Variants in BRD10 observed in about 807,000 individuals in gnomAD.
BRD10 encodes uncharacterized bromodomain-containing protein 10.
the BRD10 span, among the ~76,000 whole-genome samples, chr9:5,996,057 T>C: frequency 2.0e-5 from 3 of 152,138 alleles, no homozygotes; most frequent in Non-Finnish European, 2.9e-5. Flanking sequence ...ACTGGAAAAG[T>C]TCTATGGACA....
the BRD10 span, among the ~76,000 whole-genome samples, chr9:5,994,596 C>A: frequency 1.3e-5 from 2 of 152,160 alleles, no homozygotes. Flanking sequence ...CATAATTCAA[C>A]TTCTTTTAGC....
At chr9:5,989,540 ATT>A in the BRD10 span, among the ~76,000 whole-genome samples, 34 of 137,904 alleles carry the variant, frequency 2.5e-4, no homozygotes, top group African/African-American at 4.3e-4. Context: ...TAAAATGTAA[ATT>A]TTTTTTTTTT....
the BRD10 span, among the ~76,000 whole-genome samples, chr9:5,998,711 T>C: frequency 5.3e-5 from 8 of 152,212 alleles, no homozygotes; most frequent in Admixed American, 4.6e-4. Flanking sequence ...TCAGTTATCC[T>C]ATAATTTATA....
At chr9:5,937,603 G>A in the BRD10 span, among the ~76,000 whole-genome samples, 1 of 152,170 alleles carries the variant, frequency 6.6e-6, no homozygotes, top group African/African-American at 2.4e-5. Context: ...TCTGTACTTA[G>A]GTCAACTCCT....
chr9:5,944,603 C>T, the BRD10 span, among the ~76,000 whole-genome samples: 2 of 151,956 alleles, frequency 1.3e-5, no homozygotes, highest in Non-Finnish European at 2.9e-5. Context: ...AGTCAGAAAA[C>T]AACCAGCCAG....
the BRD10 span, among the ~76,000 whole-genome samples, chr9:5,993,110 G>A: frequency 2.0e-5 from 3 of 152,040 alleles, no homozygotes; most frequent in Non-Finnish European, 4.4e-5. Context: ...GAGGTCAGGA[G>A]TTTGAGACCA....
chr9:5,986,458 G>C, the BRD10 span, among the ~76,000 whole-genome samples: 2 of 152,140 alleles, frequency 1.3e-5, no homozygotes, highest in African/African-American at 4.8e-5. Context: ...CTTTATAACA[G>C]AATGATTTAT....
the BRD10 span, among the ~76,000 whole-genome samples, chr9:5,947,262 G>T: frequency 6.6e-6 from 1 of 152,068 alleles, no homozygotes; most frequent in Non-Finnish European, 1.5e-5. Context: ...TTTTTGTTTA[G>T]TAGGTCTGAG....
the BRD10 span, among the ~76,000 whole-genome samples, chr9:5,903,294 T>C: frequency 0.02 from 3,063 of 152,318 alleles, 62 homozygotes; most frequent in Non-Finnish European, 0.035. Flanking sequence ...GTGTATTCTG[T>C]TGTCGTTGGA....
the BRD10 span, among the ~76,000 whole-genome samples, chr9:5,952,930 T>A: frequency 3.9e-5 from 6 of 152,218 alleles, no homozygotes; most frequent in African/African-American, 1.2e-4. Flanking sequence ...ATAAAAGGAT[T>A]TTGTAGAAAT....
At chr9:5,924,350 T>C in the BRD10 span, among the ~76,000 whole-genome samples, 345 of 152,096 alleles carry the variant, frequency 2.3e-3, 1 homozygote, top group Non-Finnish European at 3.8e-3. Context: ...AGTGGACAGC[T>C]CACTGTAACC....
the BRD10 span, among the ~76,000 whole-genome samples, chr9:5,894,012 G>A: frequency 2.0e-5 from 3 of 151,742 alleles, no homozygotes; most frequent in Admixed American, 6.6e-5. This position sits in a 1 kb window ranked among gnomAD's most constrained non-coding sequence, Gnocchi z 4.0. Context: ...ACATGGTGGC[G>A]CTGGGATTTA....
At chr9:5,892,635 T>G in the BRD10 span, 1 of 1,065,376 alleles carries the variant, frequency 9.4e-7, no homozygotes, top group Non-Finnish European at 1.4e-6. Flanking sequence ...ACATGCCTGC[T>G]CGTAAATCTC....
chr9:5,881,358 G>C, the BRD10 span, among the ~76,000 whole-genome samples: 1 of 152,208 alleles, frequency 6.6e-6, no homozygotes, highest in Non-Finnish European at 1.5e-5. Context: ...GGATTGTAGA[G>C]TTGGCCGCTA....
the BRD10 span, among the ~76,000 whole-genome samples, chr9:5,983,961 T>TTA: frequency 1.4e-5 from 1 of 69,844 alleles, no homozygotes; most frequent in Non-Finnish European, 2.8e-5. Context: ...TGTATATGCA[T>TTA]TACACACACA....
At chr9:5,925,573 G>C in the BRD10 span, among the ~76,000 whole-genome samples, 1 of 151,956 alleles carries the variant, frequency 6.6e-6, no homozygotes, top group Non-Finnish European at 1.5e-5. Flanking sequence ...AAAAGTTTAA[G>C]CCAGAAATTC....
At chr9:5,986,452 A>G in the BRD10 span, among the ~76,000 whole-genome samples, 4 of 152,164 alleles carry the variant, frequency 2.6e-5, no homozygotes, top group Non-Finnish European at 2.9e-5. Context: ...ACGTACCTTT[A>G]TAACAGAATG....
the BRD10 span, chr9:5,919,774 CTG>C: frequency 1.2e-6 from 2 of 1,613,668 alleles, no homozygotes; most frequent in East Asian, 4.5e-5. Context: ...ATACAACAAT[CTG>C]AGAGAGAGAT....
chr9:5,922,480 T>C, the BRD10 span: 1,549 of 1,614,028 alleles, frequency 9.6e-4, 1 homozygote, highest in Non-Finnish European at 1.2e-3. Context: ...AAGGTGTAAT[T>C]GTTTTGTTGA....
Sources: gnomAD v4.1 joint callset for allele counts (sites outside exome capture counted in the v4.1 genomes callset) on GRCh38, gnomAD v4.1.1 for gene constraint, Gnocchi (gnomAD v3.1) non-coding constraint, MANE v1.5 for transcripts, NCBI Gene and HGNC (gene_info 2026-07-23, HGNC 2026-07-21) for gene names.